The following FYN variants were observed in gnomAD, a reference collection of about 807,000 sequenced individuals.
The protein encoded by FYN is FYN proto-oncogene, Src family tyrosine kinase, also known as tyrosine-protein kinase Fyn.
In FYN, 10 loss-of-function variants were observed where a neutral mutation model predicts 70.2. The observed-to-expected ratio is 0.14, with a 90% CI of 0.09 to 0.24. The LOEUF (loss-of-function observed/expected upper bound fraction) is 0.24, where lower values mean the gene tolerates loss of function less well. Among genes scored for constraint, FYN ranks in the 10% least tolerant of loss-of-function variants. The probability of loss-of-function intolerance (pLI) is 1.00; values close to 1 mark genes in which losing one functional copy is unlikely to be tolerated. For synonymous variants in FYN, 236 were observed against 248.6 expected, an observed-to-expected ratio of 0.95 and a Z score of 0.48; for missense variants, 319 against 673.1, an observed-to-expected ratio of 0.47 and a Z score of 5.82.
chr6:111,773,200 C>T (rs1207553228), intron 3 of FYN, among the ~76,000 whole-genome samples: 1 of 148,906 alleles, frequency 6.7e-6, no homozygotes, highest in Non-Finnish European at 1.5e-5. Flanking sequence ...ACAATTCTCC[C>T]AACCAGCAAG....
intron 2 of FYN, among the ~76,000 whole-genome samples, chr6:111,829,472 A>G (rs1772944885): frequency 6.6e-6 from 1 of 152,250 alleles, no homozygotes; most frequent in Admixed American, 6.5e-5. Flanking sequence ...AAGGTGCAGC[A>G]GACAAGGAAG....
At chr6:111,748,635 C>T (rs981138730) in intron 3 of FYN, among the ~76,000 whole-genome samples, 1 of 152,100 alleles carries the variant, frequency 6.6e-6, no homozygotes, top group African/African-American at 2.4e-5. Flanking sequence ...GCACTAACCA[C>T]ATGTGGCTGG....
intron 12 of FYN, among the ~76,000 whole-genome samples, chr6:111,678,053 AT>A (rs1798611473): frequency 1.3e-5 from 2 of 151,286 alleles, no homozygotes; most frequent in Admixed American, 1.3e-4. Context: ...TTCTTACTGA[AT>A]TAGCTTAACA....
chr6:111,845,101 G>A (rs1773485942), intron 2 of FYN, among the ~76,000 whole-genome samples: 1 of 152,260 alleles, frequency 6.6e-6, no homozygotes, highest in Admixed American at 6.5e-5. Flanking sequence ...GAACCCAGAT[G>A]AATGGACTTC....
At chr6:111,775,718 A>C (rs1022809794) in intron 3 of FYN, among the ~76,000 whole-genome samples, 5 of 152,168 alleles carry the variant, frequency 3.3e-5, no homozygotes, top group Admixed American at 6.5e-5. Context: ...TTAAGAATAA[A>C]GTCACACACC....
At chr6:111,695,243 A>T (rs1271770989) in intron 10 of FYN, among the ~76,000 whole-genome samples, 1 of 152,010 alleles carries the variant, frequency 6.6e-6, no homozygotes, top group Non-Finnish European at 1.5e-5. Flanking sequence ...AGGTGATTCT[A>T]ATAATACAAG....
chr6:111,709,530 C>A (rs1800268734), intron 5 of FYN, among the ~76,000 whole-genome samples: 1 of 152,190 alleles, frequency 6.6e-6, no homozygotes, highest in Non-Finnish European at 1.5e-5. Flanking sequence ...AAGGTGCCAG[C>A]AAAGGTTTTT....
chr6:111,689,215 G>T (rs1352197627), intron 12 of FYN, among the ~76,000 whole-genome samples: 1 of 152,108 alleles, frequency 6.6e-6, no homozygotes, highest in Non-Finnish European at 1.5e-5. Context: ...TTAAGTAACT[G>T]GCCTGCGGAC....
chr6:111,722,162 T>G (rs1335649469), intron 3 of FYN, among the ~76,000 whole-genome samples: 1 of 152,162 alleles, frequency 6.6e-6, no homozygotes, highest in Non-Finnish European at 1.5e-5. Context: ...TATTACACAT[T>G]TCAATAAATA....
intron 2 of FYN, among the ~76,000 whole-genome samples, chr6:111,785,593 G>A (rs754305672): frequency 3.3e-5 from 5 of 152,116 alleles, no homozygotes; most frequent in Middle Eastern, 3.2e-3. Context: ...GGGAGAAAAC[G>A]GGTCCATCAA....
intron 3 of FYN, among the ~76,000 whole-genome samples, chr6:111,728,078 C>CT (rs1289141211): frequency 6.6e-6 from 1 of 152,188 alleles, no homozygotes; most frequent in Non-Finnish European, 1.5e-5. Context: ...CCAAATGAGG[C>CT]TTTAACACCA....
chr6:111,775,143 TAC>T (rs1308889432), intron 3 of FYN, among the ~76,000 whole-genome samples: 7 of 152,220 alleles, frequency 4.6e-5, no homozygotes, highest in Non-Finnish European at 8.8e-5. Context: ...TGGGAACTAT[TAC>T]AGTCTTATCT....
chr6:111,736,091 G>A (rs370472345), intron 3 of FYN, among the ~76,000 whole-genome samples: 22 of 152,258 alleles, frequency 1.4e-4, no homozygotes, highest in East Asian at 9.7e-4. Flanking sequence ...ACTGAAAAGG[G>A]CATGTAACAA....
chr6:111,846,543 A>G, intron 2 of FYN, 46 bp downstream of exon 2: 1 of 399,016 alleles, frequency 2.5e-6, no homozygotes. Context: ...GAAGCCCTTT[A>G]TAATTCACAA....
Position 111,661,966 on chromosome 6 carries a change from T to G in FYN, c.1406-19A>C. ...TTCATGCCTGCAAAGACAAGCGCAG[T>G]GAGAGTGGGCACCCCGGGGATCCAG... On this transcript the variant is annotated intron_variant, in intron 13 of 13. Transcript: ENST00000354650. The surrounding 1 kb of genome is among the most constrained non-coding windows in gnomAD (Gnocchi z 4.0). 1 of 1,582,450 alleles carries G rather than the reference T, an allele frequency of 6.3e-7. No homozygotes were observed. The highest frequency in any genetic ancestry group is 8.6e-7 in the Non-Finnish European group (1 of 1,162,168).
At chr6:111,664,948 G>A (rs746861569) in intron 13 of FYN, among the ~76,000 whole-genome samples, 3 of 152,172 alleles carry the variant, frequency 2.0e-5, no homozygotes, top group Non-Finnish European at 4.4e-5. Flanking sequence ...GACCTGCAAC[G>A]GGCTGACCTG....
At chr6:111,734,148 C>T (rs1453876729) in intron 3 of FYN, among the ~76,000 whole-genome samples, 1 of 152,128 alleles carries the variant, frequency 6.6e-6, no homozygotes, top group Non-Finnish European at 1.5e-5. Flanking sequence ...AAGGAGCCCT[C>T]CAGGGTTCAC....
chr6:111,846,421 CT>C (rs966258252), intron 2 of FYN, among the ~76,000 whole-genome samples, 167 bp downstream of exon 2: 5 of 152,150 alleles, frequency 3.3e-5, no homozygotes, highest in Non-Finnish European at 7.4e-5. Flanking sequence ...GTAAGGTTTT[CT>C]TTCTATTTCA....
intron 2 of FYN, among the ~76,000 whole-genome samples, chr6:111,804,499 A>C (rs572109834): frequency 6.6e-6 from 1 of 152,340 alleles, no homozygotes; most frequent in South Asian, 2.1e-4. Flanking sequence ...ATCCAGAAGG[A>C]GGTAAAACTT....
Sources: allele counts gnomAD v4.1 joint callset (sites outside exome capture counted in the v4.1 genomes callset), GRCh38; gene constraint gnomAD v4.1.1; non-coding constraint Gnocchi (gnomAD v3.1); transcripts MANE v1.5; gene names NCBI Gene and HGNC (gene_info 2026-07-23, HGNC 2026-07-21).